The following MFSD6 variants were observed in gnomAD, a reference collection of about 807,000 sequenced individuals.
MFSD6 encodes major facilitator superfamily domain-containing protein 6.
Under a neutral mutation model 56.3 loss-of-function variants are expected in MFSD6, and 26 were observed. That is an observed-to-expected ratio of 0.46 (90% CI 0.34 to 0.64). The LOEUF (loss-of-function observed/expected upper bound fraction) is 0.64. MFSD6 is among the 30% of genes least tolerant of loss of function. The probability of loss-of-function intolerance (pLI) is 0.01; values close to 1 mark genes in which losing one functional copy is unlikely to be tolerated. For missense variants in MFSD6, 750 were observed against 986.2 expected (o/e 0.76, Z 3.21); for synonymous variants, 331 against 366.9 (o/e 0.90, Z 1.12).
At position 190,425,456 on chromosome 2, in the gene MFSD6, T is replaced by A. The variant is rs934366954; in HGVS notation, c.-54+10043T>A. 1.4e-4 allele frequency among the ~76,000 whole-genome samples: 22 copies of A among 152,326 alleles called. No individual in the cohort carries two copies. Among genetic ancestry groups the A allele is most frequent in the South Asian group, 1.2e-3 (6 of 4,822 alleles). The stretch of plus-strand genomic sequence containing the variant: ...CAGTCTTTCACCATTAAGTGCAGTG[T>A]TACCCATGGGTTTCCGTAGGTGATC... On this transcript the variant is annotated intron_variant, in intron 2 of 7. Coordinates refer to ENST00000392328, the MANE Select transcript of MFSD6 (RefSeq NM_017694.4). The surrounding 1 kb of genome is among the most constrained non-coding windows in gnomAD (Gnocchi z 4.3).
rs543854679 is a variant in MFSD6, at chr2:190,437,996, A to G, written c.1532+435A>G. Among the ~76,000 whole-genome samples the G allele has an allele frequency of 4.6e-5, 7 of 151,758 alleles. No homozygotes were observed. Among genetic ancestry groups the G allele is most frequent in the African/African-American group, 1.7e-4 (7 of 41,050 alleles). ...TTCTCAGCCACTTGCTGACATAGAT[A>G]GAGCCTGAATATATGGCATCTAAAG... On this transcript the variant is annotated intron_variant, in intron 3 of 7. Transcript: ENST00000392328. The surrounding 1 kb of genome is among the most constrained non-coding windows in gnomAD (Gnocchi z 5.9).
rs539954026 is a variant in MFSD6, at chr2:190,433,477, A to G, written c.-53-2500A>G. ...ACCTTCACATTTTCTAGGAGGAAAA[A>G]AATGTTTTTCTTTCACTATTAAGAA... On this transcript the variant is annotated intron_variant, in intron 2 of 7. Coordinates refer to ENST00000392328, the MANE Select transcript of MFSD6 (RefSeq NM_017694.4). The surrounding 1 kb of genome is among the most constrained non-coding windows in gnomAD (Gnocchi z 4.5). 1.1e-3 allele frequency: 162 copies of G among 152,336 alleles called. 2 individuals carry two copies. The highest frequency in any genetic ancestry group is 3.7e-3 in the African/African-American group (155 of 41,570). The allele number at this position is 152,336 out of a possible 1,614,324, so 9.4% of individuals were successfully genotyped here.
intron 4 of MFSD6, among the ~76,000 whole-genome samples, chr2:190,479,640 G>T (rs1688549221): frequency 1.3e-5 from 2 of 152,170 alleles, no homozygotes; most frequent in Admixed American, 1.3e-4. Context: ...AGAGATGAGT[G>T]TTAGTGTTAG....
intron 1 of MFSD6, chr2:190,411,378 T>A (rs1184890766): frequency 1.6e-6 from 1 of 625,490 alleles, no homozygotes; most frequent in East Asian, 1.4e-4. Flanking sequence ...CAGGATGGTC[T>A]CCATCTCCTG....
intron 3 of MFSD6, among the ~76,000 whole-genome samples, chr2:190,445,603 G>A (rs1047265960): frequency 2.0e-5 from 3 of 151,870 alleles, no homozygotes; most frequent in African/African-American, 7.3e-5. Context: ...TCCCAAGGAT[G>A]GCATATAACT....
chr2:190,408,288 CCTCCGTCCTCCGT>C (rs1382256227), upstream of MFSD6: 3 of 148,784 alleles, frequency 2.0e-5, no homozygotes, highest in East Asian at 3.9e-4. Context: ...GGGCCCTCCG[CCTCCGTCCTCCGT>C]GGCCCCACCC....
At chr2:190,480,805 T>C (rs754605739) in intron 4 of MFSD6, among the ~76,000 whole-genome samples, 2 of 152,170 alleles carry the variant, frequency 1.3e-5, no homozygotes, top group Non-Finnish European at 2.9e-5. Flanking sequence ...TGCAAAGTAT[T>C]TAGCACAGTA....
rs1689774240 is a variant in MFSD6 at position 190,497,559 on chromosome 2, C to T, written c.2012C>T (p.Pro671Leu). 3 of 1,614,166 alleles carry T rather than the reference C, an allele frequency of 1.9e-6. No homozygotes were observed. The highest frequency in any genetic ancestry group is 1.7e-5 in the Admixed American group (1 of 60,022). Residue 671 changes from proline (P) to leucine (L), a missense_variant, in exon 7 of 8, where the codon CCC becomes CTC. By Grantham distance (98) the Pro-to-Leu change is moderately conservative. This residue lies in a region of MFSD6 where 172 missense variants were observed against 203.9 expected (regional missense o/e 0.84). Transcript: ENST00000392328. The surrounding 1 kb of genome is among the most constrained non-coding windows in gnomAD (Gnocchi z 5.2). ...CCACGCATTGAGCCCAGACTTCCACCCAAGAAAACTAAGCACCAGGAAGAA... is the reference window on the plus strand; with the variant it reads ...CCACGCATTGAGCCCAGACTTCCACTCAAGAAAACTAAGCACCAGGAAGAA... ...VMPRIEPRLP[P>L]KKTKHQEEQE...
In MFSD6 at chr2:190,469,178, C is replaced by A. The variant is rs1168179717; in HGVS notation, c.1533-580C>A. Among the ~76,000 whole-genome samples the A allele has an allele frequency of 6.6e-6, 1 of 152,060 alleles. No homozygotes were observed. The highest frequency in any genetic ancestry group is 1.5e-5 in the Non-Finnish European group (1 of 68,010). On this transcript the variant is annotated intron_variant, in intron 3 of 7. Transcript: ENST00000392328. The surrounding 1 kb of genome is among the most constrained non-coding windows in gnomAD (Gnocchi z 5.3). ...AAAAGATGAACATGTATCCATTGAA[C>A]TGATAGGAGAAACTATTTGATTTCC... is the stretch of plus-strand genomic sequence containing the variant.
chr2:190,413,353 A>G lies in MFSD6; in HGVS notation c.-175-1939A>G, dbSNP rs1446569145. Among the ~76,000 whole-genome samples the G allele has an allele frequency of 1.3e-5, 2 of 152,130 alleles. No homozygotes were observed. The highest frequency in any genetic ancestry group is 4.8e-5 in the African/African-American group (2 of 41,418). On this transcript the variant is annotated intron_variant, in intron 1 of 7. Transcript: ENST00000392328. This position sits in a 1 kb window ranked among gnomAD's most constrained non-coding sequence, Gnocchi z 4.1. ...TCAGACCCTTAAAAAACCATGTTCA[A>G]GAGATGTGGAAAAAAATTGAATTAA...
At chr2:190,411,369 A>G in intron 1 of MFSD6, 1 of 564,764 alleles carries the variant, frequency 1.8e-6, no homozygotes, top group African/African-American at 2.0e-5. Flanking sequence ...CATGTTGGCC[A>G]GGATGGTCTC....
chr2:190,437,460 A>G lies in MFSD6; in HGVS notation c.1431A>G (p.Gly477=). The G allele has an allele frequency of 6.2e-7, 1 of 1,614,200 alleles. No homozygotes were observed. The highest frequency in any genetic ancestry group is 8.5e-7 in the Non-Finnish European group (1 of 1,180,048). Residue 477 remains glycine, a synonymous_variant, in exon 3 of 8, where the codon GGA becomes GGG. Coordinates refer to ENST00000392328, the MANE Select transcript of MFSD6 (RefSeq NM_017694.4). The surrounding 1 kb of genome is among the most constrained non-coding windows in gnomAD (Gnocchi z 5.9). Reference sequence around the variant, plus strand: ...ACTGGCATTTGGAAGACCTCAATGGAACTACAACCCTCTTTGGGGTCTGTT... The same window carrying G: ...ACTGGCATTTGGAAGACCTCAATGGGACTACAACCCTCTTTGGGGTCTGTT... ...FLYWHLEDLN[G]TTTLFGVCSV... is the part of the protein sequence containing the mutation.
intron 4 of MFSD6, among the ~76,000 whole-genome samples, chr2:190,473,219 C>G (rs538672030): frequency 2.5e-4 from 38 of 152,148 alleles, no homozygotes; most frequent in Non-Finnish European, 5.1e-4. Context: ...ATGACAGGAT[C>G]AAATTCACAC....
intron 2 of MFSD6, 106 bp from the exon 3 acceptor site, chr2:190,435,871 A>G: frequency 1.0e-6 from 1 of 958,766 alleles, no homozygotes; most frequent in African/African-American, 1.6e-5. Context: ...TCTCTCTTGC[A>G]ATTATTATTT....
chr2:190,497,670 T>A lies in MFSD6; in HGVS notation c.2123T>A (p.Met708Lys). Residue 708 changes from methionine (M) to lysine (K), a missense_variant, in exon 7 of 8, where the codon ATG becomes AAG. Around this residue, in one of 5 missense-constraint regions of MFSD6, gnomAD observed 172 missense variants for 203.9 expected, o/e 0.84. Transcript: ENST00000392328. The surrounding 1 kb of genome is among the most constrained non-coding windows in gnomAD (Gnocchi z 5.2). ...FVYALYQIKE[M>K]MQLTRDNRAS... ...TATGCACTCTACCAAATTAAAGAGATGATGCAACTCACAAGAGACAACCGT... is the reference window on the plus strand; with the variant it reads ...TATGCACTCTACCAAATTAAAGAGAAGATGCAACTCACAAGAGACAACCGT... 6.2e-7 allele frequency: 1 copy of A among 1,614,192 alleles called. No individual in the cohort carries two copies. The highest frequency in any genetic ancestry group is 1.1e-5 in the South Asian group (1 of 91,080).
intron 3 of MFSD6, among the ~76,000 whole-genome samples, chr2:190,445,418 CT>C (rs1415541333): frequency 6.6e-6 from 1 of 150,592 alleles, no homozygotes; most frequent in Non-Finnish European, 1.5e-5. Flanking sequence ...GTTCTGTCTC[CT>C]TTTCCAGAGT....
chr2:190,436,720 G>C lies in MFSD6; in HGVS notation c.691G>C (p.Gly231Arg). The C allele has an allele frequency of 1.2e-6, 2 of 1,614,182 alleles. No homozygotes were observed. Among genetic ancestry groups the C allele is most frequent in the Non-Finnish European group, 1.7e-6 (2 of 1,180,042 alleles). ...TGAACCCACTCTGCAGCCCCAGACA[G>C]GTGAAATTACTAACCGTATGATGGA... ...NSEPTLQPQT[G>R]EITNRMMDLT... The change falls in exon 3 of 8, where the codon GGT becomes CGT. Residue 231 changes from glycine to arginine, a missense_variant. By Grantham distance (125) the Gly-to-Arg change is moderately radical (BLOSUM62 -2). Transcript: ENST00000392328. The surrounding 1 kb of genome is among the most constrained non-coding windows in gnomAD (Gnocchi z 5.3).
chr2:190,489,827 G>C lies in MFSD6; in HGVS notation c.1852G>C (p.Ala618Pro). 1 of 1,614,174 alleles carries C rather than the reference G, an allele frequency of 6.2e-7. No individual in the cohort carries two copies. Among genetic ancestry groups the C allele is most frequent in the South Asian group, 1.1e-5 (1 of 91,070 alleles). Residue 618 changes from alanine to proline, a missense_variant, in exon 6 of 8, where the codon GCC (alanine) becomes CCC (proline). Physicochemically the swap from Ala to Pro is conservative, Grantham distance 27. Transcript: ENST00000392328. The surrounding 1 kb of genome is among the most constrained non-coding windows in gnomAD (Gnocchi z 6.6). ...CTGCTTGGTGATCCTACTGCTCTTT[G>C]CCCTGATCCAGTGGCTGGCAGTGCC... ...MACLVILLLF[A>P]LIQWLAVPDE...
chr2:190,418,703 G>C lies in MFSD6; in HGVS notation c.-54+3290G>C. Among the ~76,000 whole-genome samples, 1 of 152,220 alleles carries C rather than the reference G, an allele frequency of 6.6e-6. No individual in the cohort carries two copies. Among genetic ancestry groups the C allele is most frequent in the Non-Finnish European group, 1.5e-5 (1 of 68,040 alleles). On this transcript the variant is annotated intron_variant, in intron 2 of 7. Coordinates refer to ENST00000392328, the MANE Select transcript of MFSD6 (RefSeq NM_017694.4). The surrounding 1 kb of genome is among the most constrained non-coding windows in gnomAD (Gnocchi z 4.1). ...GCCCAGGAGGTCAAGGCTGCAGTGA[G>C]CTGTGATTGTGCCACTGCGCTCCAG...
Sources: allele counts gnomAD v4.1 joint callset (sites outside exome capture counted in the v4.1 genomes callset), GRCh38; gene constraint gnomAD v4.1.1; regional missense constraint gnomAD v4.1.1; non-coding constraint Gnocchi (gnomAD v3.1); transcripts MANE v1.5; gene names NCBI Gene and HGNC (gene_info 2026-07-23, HGNC 2026-07-21).